The following DOCK1 variants were observed in gnomAD, a reference collection of about 807,000 sequenced individuals.
DOCK1 encodes the protein dedicator of cytokinesis 1.
DOCK1 carries 138 observed loss-of-function variants against 262.7 expected under a neutral mutation model. That is an observed-to-expected ratio of 0.53 (90% CI 0.46 to 0.61). The LOEUF is 0.61. Ranked by LOEUF, DOCK1 falls within the 20% of genes least tolerant of loss-of-function variation. The probability of loss-of-function intolerance (pLI) is 0.00; values close to 1 mark genes in which losing one functional copy is unlikely to be tolerated. For missense variants in DOCK1, 1,908 were observed against 2,370.7 expected (o/e 0.80, Z 4.05); for synonymous variants, 866 against 867.4 (o/e 1.00, Z 0.03).
chr10:126,937,995 CT>C (rs1408419500), intron 1 of DOCK1, among the ~76,000 whole-genome samples: 1 of 151,606 alleles, frequency 6.6e-6, no homozygotes, highest in Non-Finnish European at 1.5e-5. Flanking sequence ...GTGCTTAGGC[CT>C]TCTGTCCATT....
chr10:127,037,848 CTTTTTTT>C (rs56038046), intron 19 of DOCK1, 32 bp downstream of exon 19: 3 of 1,047,160 alleles, frequency 2.9e-6, no homozygotes, highest in Admixed American at 3.4e-5. Context: ...CTTTTTGGGT[CTTTTTTT>C]TTTTTTTTTT....
intron 29 of DOCK1, among the ~76,000 whole-genome samples, chr10:127,336,811 T>C (rs551780723): frequency 2.0e-5 from 3 of 152,186 alleles, no homozygotes; most frequent in Non-Finnish European, 2.9e-5. Flanking sequence ...AGTGCTGGGA[T>C]TACAGGCGTG....
At chr10:127,217,074 AAG>A (rs1450474355) in intron 27 of DOCK1, among the ~76,000 whole-genome samples, 1 of 152,212 alleles carries the variant, frequency 6.6e-6, no homozygotes, top group Non-Finnish European at 1.5e-5. Context: ...AGGAGAAAGA[AAG>A]AGAAAAGAAG....
intron 30 of DOCK1, among the ~76,000 whole-genome samples, chr10:127,342,086 CTGT>C (rs201304486): frequency 5.7e-4 from 84 of 146,826 alleles, no homozygotes; most frequent in African/African-American, 2.0e-3. Context: ...GTTGCTGTTG[CTGT>C]TGTTGTTGCT....
At chr10:127,450,212 G>A (rs1649955419) in intron 51 of DOCK1, among the ~76,000 whole-genome samples, 1 of 152,096 alleles carries the variant, frequency 6.6e-6, no homozygotes, top group South Asian at 2.1e-4. Flanking sequence ...TTAAGCATTA[G>A]GTCATTTTTG....
intron 29 of DOCK1, among the ~76,000 whole-genome samples, chr10:127,302,535 G>A (rs975204629): frequency 2.6e-5 from 4 of 152,146 alleles, no homozygotes; most frequent in African/African-American, 7.2e-5. Context: ...CACACAATCC[G>A]TCATTGTCTG....
At chr10:127,377,010 T>C (rs1322795125) in intron 35 of DOCK1, among the ~76,000 whole-genome samples, 1 of 152,226 alleles carries the variant, frequency 6.6e-6, no homozygotes, top group East Asian at 1.9e-4. Flanking sequence ...CAGCACTTGC[T>C]CAGTTTTAAC....
At chr10:127,099,249 T>G (rs34502211) in intron 23 of DOCK1, among the ~76,000 whole-genome samples, 34,425 of 152,136 alleles carry the variant, frequency 0.23, 5,533 homozygotes, top group African/African-American at 0.46. Flanking sequence ...AGGGTCGACT[T>G]CCCAATGTCC....
chr10:126,944,919 G>T (rs891345358), intron 1 of DOCK1, among the ~76,000 whole-genome samples: 1 of 152,130 alleles, frequency 6.6e-6, no homozygotes, highest in African/African-American at 2.4e-5. Flanking sequence ...GCTCACTGCA[G>T]CCTCTGTCTC....
At chr10:127,279,126 C>A (rs1386414237) in intron 29 of DOCK1, among the ~76,000 whole-genome samples, 1 of 152,202 alleles carries the variant, frequency 6.6e-6, no homozygotes, top group African/African-American at 2.4e-5. Context: ...ACACACGTGG[C>A]TTTTTCACAA....
intron 30 of DOCK1, 100 bp from the exon 31 acceptor site, chr10:127,343,546 A>T: frequency 1.0e-6 from 1 of 976,788 alleles, no homozygotes; most frequent in Non-Finnish European, 1.5e-6. Context: ...TTAACTTTTC[A>T]GAAGTGTGTG....
rs771856727 is a variant in DOCK1, at chr10:127,137,917, C to G, written c.2847+10153C>G. On this transcript the variant is annotated intron_variant, in intron 27 of 51. Coordinates refer to ENST00000623213, the MANE Select transcript of DOCK1 (RefSeq NM_001290223.2). Reference sequence around the variant, plus strand: ...TGCTTGGGAGTTGAGGAGTAAGTCTCCTGAGAGTAAGGCGAAGGTATGACC... The same window carrying G: ...TGCTTGGGAGTTGAGGAGTAAGTCTGCTGAGAGTAAGGCGAAGGTATGACC... 3 of 1,614,132 alleles carry G rather than the reference C, an allele frequency of 1.9e-6. No homozygotes were observed. The Admixed American group carries it at 5.0e-5, about 27-fold the overall frequency.
chr10:127,350,302 G>A (rs966272746), intron 31 of DOCK1, among the ~76,000 whole-genome samples: 1 of 90,232 alleles, frequency 1.1e-5, no homozygotes, highest in African/African-American at 5.6e-5. Flanking sequence ...TCTGCTCACG[G>A]TGCACCCCTC....
intron 1 of DOCK1, among the ~76,000 whole-genome samples, chr10:126,933,388 G>A (rs1265618082): frequency 1.3e-5 from 2 of 152,168 alleles, no homozygotes; most frequent in African/African-American, 2.4e-5. Flanking sequence ...CACTGTCAGA[G>A]GGGTAAGGAA....
chr10:127,347,719 C>T (rs2063698844), intron 31 of DOCK1, among the ~76,000 whole-genome samples: 1 of 151,018 alleles, frequency 6.6e-6, no homozygotes, highest in Non-Finnish European at 1.5e-5. Flanking sequence ...AAAGGTGGAG[C>T]CATGACACAC....
At chr10:126,952,322 G>A (rs2036325904) in intron 1 of DOCK1, among the ~76,000 whole-genome samples, 1 of 142,596 alleles carries the variant, frequency 7.0e-6, no homozygotes, top group Non-Finnish European at 1.6e-5. Context: ...TATTGTTATT[G>A]TTGGTTGTAT....
intron 29 of DOCK1, among the ~76,000 whole-genome samples, chr10:127,294,173 A>G (rs1422589085): frequency 6.6e-6 from 1 of 152,202 alleles, no homozygotes; most frequent in Non-Finnish European, 1.5e-5. Flanking sequence ...TGGGGTGTCC[A>G]GTTTAAGGCC....
intron 10 of DOCK1, among the ~76,000 whole-genome samples, chr10:127,006,289 C>G (rs2041013952): frequency 6.6e-6 from 1 of 152,214 alleles, no homozygotes; most frequent in South Asian, 2.1e-4. Flanking sequence ...TGTGCTGGCC[C>G]TGGGCCTCTG....
intron 29 of DOCK1, among the ~76,000 whole-genome samples, chr10:127,310,900 C>G (rs999517733): frequency 6.6e-6 from 1 of 152,158 alleles, no homozygotes; most frequent in Non-Finnish European, 1.5e-5. Context: ...ACAGCCAAAG[C>G]TGATGGCTGA....
Sources: allele counts gnomAD v4.1 joint callset (sites outside exome capture counted in the v4.1 genomes callset), GRCh38; gene constraint gnomAD v4.1.1; transcripts MANE v1.5; gene names NCBI Gene and HGNC (gene_info 2026-07-23, HGNC 2026-07-21).